FOXO1: variants seen among roughly 807,000 people sequenced by gnomAD.
FOXO1 encodes the protein forkhead box O1.
A neutral mutation model predicts 44.1 loss-of-function variants in FOXO1; 6 were observed. The ratio of observed to expected loss-of-function variants is 0.14; its 90% CI spans 0.07 to 0.27. FOXO1 has a LOEUF of 0.27. FOXO1 is among the 10% of genes least tolerant of loss of function. The probability of loss-of-function intolerance (pLI) is 1.00; values close to 1 mark genes in which losing one functional copy is unlikely to be tolerated. For synonymous variants in FOXO1, 380 were observed against 362.7 expected (o/e 1.05, Z -0.54); for missense variants, 737 against 888.8 (o/e 0.83, Z 2.17).
intron 1 of FOXO1, among the ~76,000 whole-genome samples, chr13:40,587,093 G>C (rs1162713849): frequency 6.6e-6 from 1 of 152,094 alleles, no homozygotes; most frequent in Non-Finnish European, 1.5e-5. Context: ...ATGGGTTTCT[G>C]CACAGCAATC....
At chr13:40,586,474 G>C (rs1875169855) in intron 1 of FOXO1, among the ~76,000 whole-genome samples, 1 of 152,122 alleles carries the variant, frequency 6.6e-6, no homozygotes, top group African/African-American at 2.4e-5. Context: ...CTCCTCACAG[G>C]CAACAGAGGC....
At position 40,666,064 on chromosome 13, in the gene FOXO1, GCA is replaced by G; in HGVS notation, c.147_148del (p.Ala50GlnfsTer150). On this transcript the variant is annotated frameshift_variant, in exon 1 of 3. Transcript: ENST00000379561. LOFTEE classifies it high-confidence loss of function. The stretch of plus-strand genomic sequence containing the variant: ...CAGGCCCGCCGCGGCGTCGGGGTTG[GCA>G]GCCGCGCTGCCCGACGGCGCCGGGC... The G allele has an allele frequency of 7.6e-7, 1 of 1,321,028 alleles. No homozygotes were observed. The allele number at this position is 1,321,028 out of a possible 1,614,324, so 81.8% of individuals were successfully genotyped here.
At chr13:40,619,427 G>A (rs1876535635) in intron 1 of FOXO1, 2 of 1,047,872 alleles carry the variant, frequency 1.9e-6, no homozygotes, top group Admixed American at 1.7e-5. Context: ...ACTCAAAGTG[G>A]ACAAAATGGG....
chr13:40,588,004 C>T (rs894747320), intron 1 of FOXO1, among the ~76,000 whole-genome samples: 2 of 152,162 alleles, frequency 1.3e-5, no homozygotes, highest in Non-Finnish European at 2.9e-5. Flanking sequence ...AATTGCATAA[C>T]ACAGAGTACA....
At chr13:40,591,600 T>A (rs758376167) in intron 1 of FOXO1, among the ~76,000 whole-genome samples, 17 of 152,182 alleles carry the variant, frequency 1.1e-4, no homozygotes, top group Non-Finnish European at 1.9e-4. Context: ...AGATGATACA[T>A]TCTGGGTGGC....
chr13:40,633,641 G>T (rs956272301), intron 1 of FOXO1, among the ~76,000 whole-genome samples: 3 of 152,182 alleles, frequency 2.0e-5, no homozygotes, highest in African/African-American at 7.2e-5. Flanking sequence ...ACTGGTAGTA[G>T]ATTTCTTTAG....
chr13:40,658,275 G>A (rs140144571), intron 1 of FOXO1, among the ~76,000 whole-genome samples: 3 of 152,254 alleles, frequency 2.0e-5, no homozygotes, highest in East Asian at 1.9e-4. Flanking sequence ...AATGGTTAGC[G>A]GGTAGGAACG....
Position 40,559,974 on chromosome 13 carries a change from G to A in FOXO1, c.1517C>T (p.Thr506Ile), listed in dbSNP as rs927500436. The A allele has an allele frequency of 9.3e-6, 15 of 1,614,188 alleles. No homozygotes were observed. The highest frequency in any genetic ancestry group is 2.2e-5 in the East Asian group (1 of 44,886). The change falls in exon 2 of 3, where the codon ACC (threonine) becomes ATC (isoleucine). Residue 506 changes from threonine (T) to isoleucine (I), a missense_variant. Physicochemically the swap from Thr to Ile is moderately conservative, Grantham distance 89. Transcript: ENST00000379561. ...GTTATGAGATGCCTGGCTGCCATAGGTTGACATGACCGAATTAGGGCCCAT... is the reference window on the plus strand; with the variant it reads ...GTTATGAGATGCCTGGCTGCCATAGATTGACATGACCGAATTAGGGCCCAT... ...VMMGPNSVMS[T>I]YGSQASHNKM... is the part of the protein sequence containing the mutation.
At chr13:40,569,709 G>A (rs529851667) in intron 1 of FOXO1, among the ~76,000 whole-genome samples, 5 of 152,310 alleles carry the variant, frequency 3.3e-5, no homozygotes, top group South Asian at 2.1e-4. Context: ...GTCAGAACAC[G>A]TGTGTCCAGG....
At chr13:40,631,787 A>C (rs1453230381) in intron 1 of FOXO1, among the ~76,000 whole-genome samples, 1 of 152,248 alleles carries the variant, frequency 6.6e-6, no homozygotes, top group Non-Finnish European at 1.5e-5. Context: ...GTTATTGTTT[A>C]ACAGACACAA....
At chr13:40,623,277 C>CA (rs1876677499) in intron 1 of FOXO1, among the ~76,000 whole-genome samples, 1 of 151,570 alleles carries the variant, frequency 6.6e-6, no homozygotes, top group African/African-American at 2.4e-5. Context: ...TTTTTTTTTC[C>CA]AAAAGTGACA....
At chr13:40,568,847 G>A (rs1451839378) in intron 1 of FOXO1, among the ~76,000 whole-genome samples, 1 of 150,656 alleles carries the variant, frequency 6.6e-6, no homozygotes, top group Non-Finnish European at 1.5e-5. Context: ...AAGGTACTTC[G>A]AAGGTCATCT....
chr13:40,599,573 A>G (rs1875743210), intron 1 of FOXO1, among the ~76,000 whole-genome samples: 1 of 152,170 alleles, frequency 6.6e-6, no homozygotes, highest in Non-Finnish European at 1.5e-5. Flanking sequence ...AATTTATACA[A>G]ATGGAATCGT....
At chr13:40,618,304 G>A (rs948550472) in intron 1 of FOXO1, among the ~76,000 whole-genome samples, 1 of 152,112 alleles carries the variant, frequency 6.6e-6, no homozygotes, top group African/African-American at 2.4e-5. Context: ...CTGGACTCAA[G>A]AGATCCACCC....
Position 40,666,443 on chromosome 13 carries a change from C to A in FOXO1, c.-231G>T. The stretch of plus-strand genomic sequence containing the variant: ...GGCTCCTCGGGGTCCGCCGCACGGA[C>A]TGGACGGCCGGCCAGAGCCGCCGGG... On this transcript the variant is annotated 5_prime_UTR_variant, in exon 1 of 3. Coordinates refer to ENST00000379561, the MANE Select transcript of FOXO1 (RefSeq NM_002015.4). The A allele has an allele frequency of 2.6e-6, 1 of 387,156 alleles. No individual in the cohort carries two copies. The highest frequency in any genetic ancestry group is 4.6e-6 in the Non-Finnish European group (1 of 217,882). 24.0% of individuals were successfully genotyped at this position (387,156 alleles called of 1,614,324 possible).
At chr13:40,578,219 G>T (rs1237278753) in intron 1 of FOXO1, among the ~76,000 whole-genome samples, 1 of 152,138 alleles carries the variant, frequency 6.6e-6, no homozygotes, top group Non-Finnish European at 1.5e-5. Context: ...GCAGCATGCT[G>T]GCTGTACTGG....
intron 1 of FOXO1, among the ~76,000 whole-genome samples, chr13:40,632,878 G>A (rs914758237): frequency 6.9e-6 from 1 of 144,476 alleles, no homozygotes; most frequent in Admixed American, 7.1e-5. Context: ...CCGAGCTGAA[G>A]TTGTGCCATT....
chr13:40,598,286 T>C (rs1875671304), intron 1 of FOXO1, among the ~76,000 whole-genome samples: 1 of 152,086 alleles, frequency 6.6e-6, no homozygotes, highest in Non-Finnish European at 1.5e-5. Context: ...CAGTAACAAA[T>C]GGGCAGGATG....
At chr13:40,592,037 A>G (rs1197996773) in intron 1 of FOXO1, among the ~76,000 whole-genome samples, 2 of 152,216 alleles carry the variant, frequency 1.3e-5, no homozygotes, top group Non-Finnish European at 2.9e-5. Context: ...CTACAGCTCC[A>G]TAAGTAAATT....
Sources: gnomAD v4.1 joint callset for allele counts (sites outside exome capture counted in the v4.1 genomes callset) on GRCh38, gnomAD v4.1.1 for gene constraint, MANE v1.5 for transcripts, NCBI Gene and HGNC (gene_info 2026-07-23, HGNC 2026-07-21) for gene names.